Variants in SYNDIG1 observed in about 807,000 individuals in gnomAD.
SYNDIG1 encodes synapse differentiation-inducing gene protein 1.
In SYNDIG1, 9 loss-of-function variants were observed where a neutral mutation model predicts 19.4. That is an observed-to-expected ratio of 0.46 (90% confidence interval 0.28 to 0.81). The LOEUF (loss-of-function observed/expected upper bound fraction) is 0.81, where lower values mean the gene tolerates loss of function less well. Among genes scored for constraint, SYNDIG1 ranks in the 30% least tolerant of loss-of-function variants. SYNDIG1 has a pLI of 0.12. For missense variants in SYNDIG1, 311 were observed against 343.3 expected, an observed-to-expected ratio of 0.91 and a Z score of 0.74; for synonymous variants, 141 against 145.9, an observed-to-expected ratio of 0.97 and a Z score of 0.24.
chr20:24,483,140 C>T (rs2055845591), intron 1 of SYNDIG1, among the ~76,000 whole-genome samples: 1 of 152,164 alleles, frequency 6.6e-6, no homozygotes. Context: ...AGCCTGGAGC[C>T]TCCTAGAAGT....
chr20:24,650,200 G>T (rs1279970803), intron 3 of SYNDIG1, among the ~76,000 whole-genome samples: 1 of 152,186 alleles, frequency 6.6e-6, no homozygotes. Context: ...TATCTATAAC[G>T]TGTCATCCTG....
intron 3 of SYNDIG1, among the ~76,000 whole-genome samples, chr20:24,615,755 T>G (rs1373150017): frequency 6.6e-6 from 1 of 152,156 alleles, no homozygotes; most frequent in African/African-American, 2.4e-5. Context: ...CTCAGCATGC[T>G]GCTGCCCGAA....
intron 1 of SYNDIG1, among the ~76,000 whole-genome samples, chr20:24,476,710 C>A (rs80188753): frequency 7.9e-5 from 12 of 151,820 alleles, no homozygotes; most frequent in Non-Finnish European, 7.4e-5. Context: ...CAAAAAAAAA[C>A]TGTGGATATT....
intron 3 of SYNDIG1, among the ~76,000 whole-genome samples, chr20:24,628,931 C>T (rs1255372962): frequency 6.6e-6 from 1 of 152,172 alleles, no homozygotes; most frequent in Admixed American, 6.5e-5. Flanking sequence ...CTAAAGCCCC[C>T]CATATGGATT....
intron 3 of SYNDIG1, among the ~76,000 whole-genome samples, chr20:24,634,025 A>G (rs2059287429): frequency 6.6e-6 from 1 of 152,242 alleles, no homozygotes; most frequent in African/African-American, 2.4e-5. Context: ...CTTTTCAAAT[A>G]TAGTGTACTC....
chr20:24,529,787 G>A (rs967780695), intron 1 of SYNDIG1, among the ~76,000 whole-genome samples: 1 of 151,774 alleles, frequency 6.6e-6, no homozygotes, highest in South Asian at 2.1e-4. Flanking sequence ...CAGTGGTGGG[G>A]ACGGTGATAG....
intron 1 of SYNDIG1, chr20:24,491,519 A>G (rs886454877): frequency 3.9e-5 from 6 of 152,278 alleles, no homozygotes; most frequent in East Asian, 3.9e-4. Flanking sequence ...GGTGAGCAGC[A>G]TGCCCTGCTG....
At chr20:24,511,582 G>A (rs569604043) in intron 1 of SYNDIG1, among the ~76,000 whole-genome samples, 9 of 152,164 alleles carry the variant, frequency 5.9e-5, no homozygotes, top group South Asian at 2.1e-4. Context: ...CTCTGCCCCC[G>A]CCACTAAACA....
chr20:24,530,492 G>A (rs903352416), intron 1 of SYNDIG1, among the ~76,000 whole-genome samples: 1 of 152,218 alleles, frequency 6.6e-6, no homozygotes, highest in Admixed American at 6.5e-5. Context: ...AGGCTTTTCT[G>A]TGTGTGCTAA....
intron 1 of SYNDIG1, among the ~76,000 whole-genome samples, chr20:24,493,669 A>G (rs1600426581): frequency 1.3e-5 from 2 of 152,224 alleles, no homozygotes; most frequent in African/African-American, 4.8e-5. Context: ...TCTAGCACCT[A>G]GAAGATGCTC....
chr20:24,478,630 C>A (rs1041977894), intron 1 of SYNDIG1, among the ~76,000 whole-genome samples: 3 of 152,224 alleles, frequency 2.0e-5, no homozygotes, highest in African/African-American at 7.2e-5. Flanking sequence ...CAGATGCAGA[C>A]AGCTCCAGCT....
At chr20:24,559,024 C>G (rs532366018) in intron 2 of SYNDIG1, among the ~76,000 whole-genome samples, 2 of 152,140 alleles carry the variant, frequency 1.3e-5, no homozygotes, top group African/African-American at 2.4e-5. Context: ...CAAAAAGATA[C>G]CTGCTCTCAT....
intron 3 of SYNDIG1, among the ~76,000 whole-genome samples, chr20:24,659,985 T>G (rs1270652932): frequency 6.6e-6 from 1 of 152,236 alleles, no homozygotes; most frequent in African/African-American, 2.4e-5. Flanking sequence ...TCCATGAACC[T>G]GTTTCCATGC....
chr20:24,529,025 C>A (rs2057185396), intron 1 of SYNDIG1, among the ~76,000 whole-genome samples: 3 of 152,124 alleles, frequency 2.0e-5, no homozygotes, highest in South Asian at 4.2e-4. Context: ...GCCCCTCTGG[C>A]CCTCCTCCAA....
At chr20:24,540,134 A>G (rs770203057) in intron 1 of SYNDIG1, among the ~76,000 whole-genome samples, 2 of 152,196 alleles carry the variant, frequency 1.3e-5, no homozygotes, top group Non-Finnish European at 2.9e-5. Flanking sequence ...CATTGGTTCA[A>G]TTAATTCTGA....
intron 1 of SYNDIG1, among the ~76,000 whole-genome samples, chr20:24,506,089 GGCCCCA>G (rs1418899080): frequency 9.9e-5 from 15 of 152,270 alleles, no homozygotes; most frequent in Non-Finnish European, 2.1e-4. Context: ...CTCAAGTCCT[GGCCCCA>G]GTTTATCCTA....
At chr20:24,492,583 G>A (rs2056188292) in intron 1 of SYNDIG1, among the ~76,000 whole-genome samples, 1 of 152,236 alleles carries the variant, frequency 6.6e-6, no homozygotes, top group African/African-American at 2.4e-5. Flanking sequence ...GGTGGGGAGA[G>A]AGTGTAAGAA....
chr20:24,640,460 G>A (rs2059362945), intron 3 of SYNDIG1, among the ~76,000 whole-genome samples: 1 of 127,678 alleles, frequency 7.8e-6, no homozygotes, highest in Non-Finnish European at 1.6e-5. Flanking sequence ...GAAGGAAGAA[G>A]GGAGGGAGGG....
At chr20:24,615,971 A>G (rs375708613) in intron 3 of SYNDIG1, among the ~76,000 whole-genome samples, 6 of 152,066 alleles carry the variant, frequency 3.9e-5, no homozygotes, top group African/African-American at 1.2e-4. Context: ...ACTTCCTCCA[A>G]TTAGGAGTGT....
Sources: allele counts gnomAD v4.1 joint callset (sites outside exome capture counted in the v4.1 genomes callset), GRCh38; gene constraint gnomAD v4.1.1; transcripts MANE v1.5; gene names NCBI Gene and HGNC (gene_info 2026-07-23, HGNC 2026-07-21).